Variants in USH2A observed in about 807,000 individuals in gnomAD.
The protein encoded by USH2A is usherin, also known as Usher syndrome 2A (autosomal recessive, mild).
In USH2A, 443 loss-of-function variants were observed where a neutral mutation model predicts 538.9. The ratio of observed to expected loss-of-function variants is 0.82; its 90% CI spans 0.76 to 0.89. The LOEUF (loss-of-function observed/expected upper bound fraction) is 0.89, where lower values mean the gene tolerates loss of function less well. Ranked by LOEUF, USH2A falls within the 40% of genes least tolerant of loss-of-function variation. USH2A has a pLI of 0.00. For missense variants in USH2A, 6,633 were observed against 6,324.8 expected, an observed-to-expected ratio of 1.05 and a Z score of -1.65; for synonymous variants, 2,413 against 2,273.5, an observed-to-expected ratio of 1.06 and a Z score of -1.75.
Position 216,115,806 on chromosome 1 carries a change from A to G in USH2A, c.4628-18593T>C, listed in dbSNP as rs1011928312. On this transcript the variant is annotated intron_variant, in intron 21 of 71. Transcript: ENST00000307340. ...CAAATTGAAATCATAATAGTCTAAA[A>G]TATAAATTGAATGCCATTTAATGAC... 2.6e-5 allele frequency among the ~76,000 whole-genome samples: 4 copies of G among 151,780 alleles called. No homozygotes were observed. In the South Asian group the frequency reaches 6.2e-4, roughly 24 times the overall value.
At chr1:216,232,627 G>T (rs72733314) in intron 13 of USH2A, among the ~76,000 whole-genome samples, 1 of 152,266 alleles carries the variant, frequency 6.6e-6, no homozygotes, top group Non-Finnish European at 1.5e-5. Flanking sequence ...AACTAATTCT[G>T]TATTTTACTA....
At chr1:215,887,821 T>A (rs891313429) in intron 41 of USH2A, among the ~76,000 whole-genome samples, 1 of 152,208 alleles carries the variant, frequency 6.6e-6, no homozygotes, top group Non-Finnish European at 1.5e-5. Flanking sequence ...GAAGCCTGTG[T>A]GTATTTACAC....
At chr1:215,770,807 T>C (rs1050788412) in intron 55 of USH2A, among the ~76,000 whole-genome samples, 1 of 151,748 alleles carries the variant, frequency 6.6e-6, no homozygotes, top group Admixed American at 6.6e-5. Context: ...ATCACAGACA[T>C]AAGAAAGGGC....
intron 47 of USH2A, among the ~76,000 whole-genome samples, chr1:215,822,279 G>T (rs1353198281): frequency 6.6e-6 from 1 of 151,624 alleles, no homozygotes; most frequent in Admixed American, 6.6e-5. Context: ...CCATTTATTT[G>T]TATCTTACTC....
intron 21 of USH2A, among the ~76,000 whole-genome samples, chr1:216,140,067 A>G (rs1190474588): frequency 2.0e-5 from 3 of 152,226 alleles, no homozygotes; most frequent in Admixed American, 6.5e-5. Flanking sequence ...TAAAATAGTA[A>G]GATTATCTTT....
chr1:216,071,835 A>G (rs548536418), intron 29 of USH2A, among the ~76,000 whole-genome samples: 1 of 152,332 alleles, frequency 6.6e-6, no homozygotes, highest in Non-Finnish European at 1.5e-5. Context: ...TTAGCTCTGA[A>G]GTTGAAAAGA....
At chr1:215,843,941 T>C (rs985902065) in intron 46 of USH2A, among the ~76,000 whole-genome samples, 39 of 152,122 alleles carry the variant, frequency 2.6e-4, no homozygotes, top group Non-Finnish European at 7.4e-5. Flanking sequence ...AAAAAACATC[T>C]CCACATTTAC....
chr1:215,674,857 G>A lies in USH2A; in HGVS notation c.13054C>T (p.Leu4352=). ...STSKPTSITT[L]EAAPSEVSPP... ...CTGACTTCTGATGGAGCAGCCTCCA[G>A]AGTTGTGATGCTGGTGGGTTTGCTG... The change falls in exon 63 of 72, where the codon CTG becomes TTG. Residue 4352 remains leucine, a synonymous_variant. Coordinates refer to ENST00000307340, the MANE Select transcript of USH2A (RefSeq NM_206933.4). 1 of 1,614,186 alleles carries A rather than the reference G, an allele frequency of 6.2e-7. No individual in the cohort carries two copies.
chr1:215,937,868 GT>G (rs1191563322), intron 37 of USH2A, among the ~76,000 whole-genome samples: 1 of 151,934 alleles, frequency 6.6e-6, no homozygotes, highest in Non-Finnish European at 1.5e-5. Context: ...TATTGGTGAA[GT>G]TTTTTCCATT....
chr1:215,921,391 A>AT (rs891742178), intron 38 of USH2A, among the ~76,000 whole-genome samples: 3 of 151,878 alleles, frequency 2.0e-5, no homozygotes, highest in South Asian at 2.1e-4. Context: ...TTTTACCTAC[A>AT]TTTTTTTTCT....
intron 9 of USH2A, among the ~76,000 whole-genome samples, chr1:216,302,470 C>A (rs1046688230): frequency 6.6e-6 from 1 of 152,124 alleles, no homozygotes; most frequent in Non-Finnish European, 1.5e-5. Flanking sequence ...GTTTATCCTT[C>A]AATGACATAT....
chr1:215,949,032 TC>T (rs1367954894), intron 37 of USH2A, among the ~76,000 whole-genome samples: 1 of 152,114 alleles, frequency 6.6e-6, no homozygotes, highest in Non-Finnish European at 1.5e-5. Context: ...GGACTCACGT[TC>T]TTTGAGTGTA....
chr1:216,250,413 A>G (rs920874668), intron 12 of USH2A, among the ~76,000 whole-genome samples: 1 of 152,184 alleles, frequency 6.6e-6, no homozygotes, highest in Non-Finnish European at 1.5e-5. Context: ...CTTATTTTGC[A>G]TTTCATAGGA....
chr1:216,023,528 A>G lies in USH2A; in HGVS notation c.6325+22903T>C, dbSNP rs188886399. ...AAGATAGAGTGAGATATTGTTTTTG[A>G]CCTTGAGGAGAGAAAAACAACAAAA... is the stretch of plus-strand genomic sequence containing the variant. On this transcript the variant is annotated intron_variant, in intron 32 of 71. Coordinates refer to ENST00000307340, the MANE Select transcript of USH2A (RefSeq NM_206933.4). Among the ~76,000 whole-genome samples, 598 of 146,496 alleles carry G rather than the reference A, an allele frequency of 4.1e-3. 4 individuals carry two copies. Among genetic ancestry groups the G allele is most frequent in the African/African-American group, 0.014 (550 of 40,066 alleles).
intron 3 of USH2A, among the ~76,000 whole-genome samples, chr1:216,409,438 A>G (rs542396553): frequency 8.7e-4 from 133 of 152,318 alleles, no homozygotes; most frequent in African/African-American, 3.1e-3. Context: ...TCCTACACAA[A>G]AATAACAAAG....
chr1:216,247,319 A>T, intron 12 of USH2A, 93 bp from the exon 13 acceptor site: 2 of 1,491,840 alleles, frequency 1.3e-6, no homozygotes, highest in African/African-American at 2.8e-5. Context: ...GATGATACGA[A>T]CACAAAATAT....
chr1:215,732,217 T>C (rs1303880543), intron 60 of USH2A, among the ~76,000 whole-genome samples: 1 of 152,172 alleles, frequency 6.6e-6, no homozygotes, highest in Non-Finnish European at 1.5e-5. Flanking sequence ...TTTGTGAAGG[T>C]TGAATCGTCA....
chr1:216,314,343 T>C (rs556167458), intron 9 of USH2A, among the ~76,000 whole-genome samples: 1 of 152,278 alleles, frequency 6.6e-6, no homozygotes, highest in African/African-American at 2.4e-5. Flanking sequence ...GAAAATTCTT[T>C]ACCTTGACTT....
At chr1:215,673,888 A>G (rs1657903318) in intron 63 of USH2A, among the ~76,000 whole-genome samples, 1 of 152,106 alleles carries the variant, frequency 6.6e-6, no homozygotes, top group Non-Finnish European at 1.5e-5. Flanking sequence ...CTCTCAAAAC[A>G]TCACCTGAAA....
Sources: gnomAD v4.1 joint callset for allele counts (sites outside exome capture counted in the v4.1 genomes callset) on GRCh38, gnomAD v4.1.1 for gene constraint, MANE v1.5 for transcripts, NCBI Gene and HGNC (gene_info 2026-07-23, HGNC 2026-07-21) for gene names.